CACNA1C: variants seen among roughly 807,000 people sequenced by gnomAD.
CACNA1C encodes the protein voltage-dependent L-type calcium channel subunit alpha-1C.
Under a neutral mutation model 229.0 loss-of-function variants are expected in CACNA1C, and 30 were observed. The observed-to-expected ratio is 0.13, with a 90% CI of 0.10 to 0.18. The LOEUF is 0.18. Among genes scored for constraint, CACNA1C ranks in the 10% least tolerant of loss-of-function variants. CACNA1C has a pLI of 1.00. For synonymous variants in CACNA1C, 1,114 were observed against 1,132.5 expected (o/e 0.98, Z 0.33); for missense variants, 1,658 against 2,845.0 (o/e 0.58, Z 9.49).
intron 18 of CACNA1C, 95 bp from the exon 19 acceptor site, chr12:2,593,118 A>C (rs889110068): frequency 2.2e-6 from 3 of 1,371,328 alleles, no homozygotes; most frequent in African/African-American, 2.9e-5. Context: ...ACATTTTCAG[A>C]GCCATAATCA....
intron 19 of CACNA1C, among the ~76,000 whole-genome samples, chr12:2,594,871 G>A (rs1421071902): frequency 6.6e-6 from 1 of 152,166 alleles, no homozygotes; most frequent in African/African-American, 2.4e-5. Flanking sequence ...AAATTCCCAG[G>A]CTTTCCTGCC....
chr12:2,111,239 T>A (rs758723), intron 1 of CACNA1C, among the ~76,000 whole-genome samples: 89,920 of 152,068 alleles, frequency 0.59, 28,261 homozygotes, highest in Non-Finnish European at 0.69. Flanking sequence ...GTTTACAATA[T>A]AAATAAGGTC....
chr12:2,523,613 G>A (rs527571758), intron 9 of CACNA1C, among the ~76,000 whole-genome samples: 33 of 152,230 alleles, frequency 2.2e-4, no homozygotes, highest in Non-Finnish European at 2.8e-4. Context: ...GGTGTCTTTG[G>A]AGAAGTCCTG....
At chr12:2,104,111 A>G (rs1274952100) in intron 1 of CACNA1C, among the ~76,000 whole-genome samples, 1 of 152,196 alleles carries the variant, frequency 6.6e-6, no homozygotes, top group Non-Finnish European at 1.5e-5. Context: ...CAATTCTGTG[A>G]GGAAAGTCAA....
intron 1 of CACNA1C, among the ~76,000 whole-genome samples, chr12:2,097,343 T>C (rs551678756): frequency 6.6e-6 from 1 of 152,004 alleles, no homozygotes; most frequent in African/African-American, 2.4e-5. Context: ...AGACGGGGTT[T>C]CACCATGTTA....
intron 3 of CACNA1C, among the ~76,000 whole-genome samples, chr12:2,129,629 G>T (rs1284951892): frequency 6.6e-6 from 1 of 152,134 alleles, no homozygotes; most frequent in Non-Finnish European, 1.5e-5. Flanking sequence ...ATCCTTAAAA[G>T]AAAAATCTGA....
At chr12:2,316,864 C>T (rs1008173926) in intron 3 of CACNA1C, among the ~76,000 whole-genome samples, 9 of 152,176 alleles carry the variant, frequency 5.9e-5, no homozygotes, top group African/African-American at 1.9e-4. Context: ...GGGGAGAATG[C>T]GGACACTACC....
chr12:2,537,865 G>A (rs1295841268), intron 9 of CACNA1C, among the ~76,000 whole-genome samples: 2 of 151,584 alleles, frequency 1.3e-5, no homozygotes, highest in Non-Finnish European at 2.9e-5. Flanking sequence ...CATGTCCCAG[G>A]CTGCCCTGCC....
intron 3 of CACNA1C, among the ~76,000 whole-genome samples, chr12:2,385,242 C>T (rs1474035214): frequency 1.3e-5 from 2 of 152,166 alleles, no homozygotes; most frequent in Non-Finnish European, 2.9e-5. Flanking sequence ...GCTTGAGCTC[C>T]CTGGCTTTAT....
chr12:2,258,278 T>A (rs1191912353), intron 3 of CACNA1C, among the ~76,000 whole-genome samples: 1 of 152,242 alleles, frequency 6.6e-6, no homozygotes, highest in Non-Finnish European at 1.5e-5. Context: ...ATGTAATAAT[T>A]CCCTTCTTCA....
chr12:2,337,641 T>C (rs916651886), intron 3 of CACNA1C, among the ~76,000 whole-genome samples: 1 of 152,222 alleles, frequency 6.6e-6, no homozygotes, highest in Admixed American at 6.5e-5. Flanking sequence ...CCTTTAATAA[T>C]AATAGCTAAC....
At chr12:2,023,655 A>T (rs1301505587) in intron 1 of CACNA1C, among the ~76,000 whole-genome samples, 17 of 152,216 alleles carry the variant, frequency 1.1e-4, no homozygotes, top group Non-Finnish European at 1.3e-4. Flanking sequence ...AGGACAAGTC[A>T]TTTGGGAGAG....
chr12:2,027,187 C>A (rs922471373), intron 1 of CACNA1C, among the ~76,000 whole-genome samples: 8 of 152,174 alleles, frequency 5.3e-5, no homozygotes, highest in African/African-American at 1.9e-4. Flanking sequence ...AAGTGCTTTG[C>A]CCTTTGGGTG....
chr12:2,420,101 T>C (rs2098960463), intron 3 of CACNA1C, among the ~76,000 whole-genome samples: 1 of 99,116 alleles, frequency 1.0e-5, no homozygotes, highest in Non-Finnish European at 1.8e-5. Flanking sequence ...TTAGGCAAAA[T>C]GGTGTGTGTG....
intron 3 of CACNA1C, among the ~76,000 whole-genome samples, chr12:2,228,510 G>A (rs576801663): frequency 6.6e-6 from 1 of 152,280 alleles, no homozygotes; most frequent in South Asian, 2.1e-4. Context: ...AACAGCATAG[G>A]AGTTAAGCCT....
chr12:2,503,721 C>T (rs137920815), intron 7 of CACNA1C, among the ~76,000 whole-genome samples: 24 of 152,318 alleles, frequency 1.6e-4, no homozygotes, highest in Middle Eastern at 3.4e-3. Context: ...CTCTGGCTGC[C>T]GTAGGGGTTT....
chr12:2,336,396 G>T (rs967834949), intron 3 of CACNA1C, among the ~76,000 whole-genome samples: 1 of 152,168 alleles, frequency 6.6e-6, no homozygotes, highest in Non-Finnish European at 1.5e-5. Flanking sequence ...TTAAAGAGCC[G>T]TGTTTGACTC....
intron 3 of CACNA1C, among the ~76,000 whole-genome samples, chr12:2,382,181 C>T (rs1594780878): frequency 6.6e-6 from 1 of 152,220 alleles, no homozygotes; most frequent in South Asian, 2.1e-4. Flanking sequence ...AGACAACACA[C>T]CACAATAGCA....
intron 7 of CACNA1C, among the ~76,000 whole-genome samples, chr12:2,501,139 G>A (rs990349681): frequency 5.5e-5 from 8 of 145,206 alleles, no homozygotes; most frequent in Non-Finnish European, 3.0e-5. Flanking sequence ...AACCCAGGAG[G>A]TGGAGCTTGC....
Sources: gnomAD v4.1 joint callset for allele counts (sites outside exome capture counted in the v4.1 genomes callset) on GRCh38, gnomAD v4.1.1 for gene constraint, MANE v1.5 for transcripts, NCBI Gene and HGNC (gene_info 2026-07-23, HGNC 2026-07-21) for gene names.